Variants in SCUBE1 observed in about 807,000 individuals in gnomAD.
SCUBE1 encodes the protein signal peptide, CUB domain and EGF like domain containing 1.
A neutral mutation model predicts 124.4 loss-of-function variants in SCUBE1; 59 were observed. The observed-to-expected ratio is 0.47, with a 90% CI of 0.38 to 0.59. SCUBE1 has a LOEUF of 0.59. SCUBE1 is among the 20% of genes least tolerant of loss of function. SCUBE1 has a pLI of 0.00. For missense variants in SCUBE1, 1,150 were observed against 1,371.2 expected, an observed-to-expected ratio of 0.84 and a Z score of 2.55; for synonymous variants, 545 against 550.9, an observed-to-expected ratio of 0.99 and a Z score of 0.15.
At chr22:43,229,834 C>A (rs889453742) in intron 8 of SCUBE1, among the ~76,000 whole-genome samples, 1 of 152,032 alleles carries the variant, frequency 6.6e-6, no homozygotes, top group African/African-American at 2.4e-5. Flanking sequence ...AAATGAACCA[C>A]CATGTTGACT....
At chr22:43,257,679 A>C (rs1334158669) in intron 6 of SCUBE1, among the ~76,000 whole-genome samples, 2 of 152,202 alleles carry the variant, frequency 1.3e-5, no homozygotes, top group Non-Finnish European at 2.9e-5. Flanking sequence ...CGCAGGGCCC[A>C]CACTGTCCAT....
In SCUBE1 at chr22:43,255,075, AGTGCTGC is replaced by A. The variant is rs961763005; in HGVS notation, c.727+3137_727+3143del. Among the ~76,000 whole-genome samples, 10 of 152,300 alleles carry A rather than the reference AGTGCTGC, an allele frequency of 6.6e-5. No individual in the cohort carries two copies. Among genetic ancestry groups the A allele is most frequent in the Admixed American group, 1.3e-4 (2 of 15,302 alleles). On this transcript the variant is annotated intron_variant, in intron 6 of 21. Coordinates refer to ENST00000360835, the MANE Select transcript of SCUBE1 (RefSeq NM_173050.5). This position sits in a 1 kb window ranked among gnomAD's most constrained non-coding sequence, Gnocchi z 4.7. ...ATGCCCTCTTTTGTGGCTGAGTCTC[AGTGCTGC>A]TTTGCTGAGCCTGGGAATCCTAACT... is the stretch of plus-strand genomic sequence containing the variant.
At chr22:43,323,092 T>A (rs771349993) in intron 2 of SCUBE1, among the ~76,000 whole-genome samples, 12 of 152,186 alleles carry the variant, frequency 7.9e-5, no homozygotes, top group African/African-American at 1.2e-4. Flanking sequence ...GACATGCCAG[T>A]CATTGACAAA....
chr22:43,249,050 A>G (rs1195411283), intron 6 of SCUBE1, among the ~76,000 whole-genome samples: 2 of 152,112 alleles, frequency 1.3e-5, no homozygotes, highest in African/African-American at 4.8e-5. Flanking sequence ...GTGGTGGGAC[A>G]GGGGAGGAAG....
chr22:43,276,486 C>T (rs758722746), intron 4 of SCUBE1, among the ~76,000 whole-genome samples: 22 of 152,196 alleles, frequency 1.4e-4, no homozygotes, highest in Admixed American at 7.8e-4. Flanking sequence ...GCCAGGCAGA[C>T]GTCCCACCAG....
intron 4 of SCUBE1, among the ~76,000 whole-genome samples, chr22:43,274,295 C>T (rs1449204501): frequency 6.6e-6 from 1 of 152,128 alleles, no homozygotes; most frequent in Non-Finnish European, 1.5e-5. Context: ...ATCAATACTT[C>T]CTGAGTATAA....
At chr22:43,246,081 T>G (rs1037605932) in intron 6 of SCUBE1, among the ~76,000 whole-genome samples, 1 of 152,138 alleles carries the variant, frequency 6.6e-6, no homozygotes, top group African/African-American at 2.4e-5. Flanking sequence ...CAAGCCGACC[T>G]CAGGAGAGGT....
chr22:43,214,320 C>G (rs956795733), intron 15 of SCUBE1, 69 bp from the exon 16 acceptor site: 9 of 1,471,066 alleles, frequency 6.1e-6, no homozygotes, highest in African/African-American at 5.6e-5. Context: ...CCTGTGTGCT[C>G]AAGCCCAGGC....
intron 4 of SCUBE1, among the ~76,000 whole-genome samples, chr22:43,275,762 C>T (rs1185583871): frequency 6.6e-6 from 1 of 152,104 alleles, no homozygotes; most frequent in Non-Finnish European, 1.5e-5. Context: ...GGCACGTGTG[C>T]CGTAACAGGG....
chr22:43,266,538 A>G (rs1279841085), intron 4 of SCUBE1, among the ~76,000 whole-genome samples: 1 of 152,182 alleles, frequency 6.6e-6, no homozygotes, highest in African/African-American at 2.4e-5. Context: ...CCTGCAGCGC[A>G]TCTTGTCTGT....
intron 4 of SCUBE1, among the ~76,000 whole-genome samples, chr22:43,281,530 CCTCCCTCAGTCACCCTCCTGTCA>C (rs1924886993): frequency 2.4e-5 from 2 of 81,808 alleles, no homozygotes; most frequent in African/African-American, 6.7e-5. Context: ...CCTCCTGTCA[CCTCCCTCAGTCACCCTCCTGTCA>C]CCTCCCCCTC....
At chr22:43,299,693 T>C (rs1451790606) in intron 3 of SCUBE1, among the ~76,000 whole-genome samples, 1 of 152,240 alleles carries the variant, frequency 6.6e-6, no homozygotes, top group African/African-American at 2.4e-5. Context: ...TAGTGGTTTT[T>C]AGTATATTCA....
intron 1 of SCUBE1, among the ~76,000 whole-genome samples, chr22:43,342,287 C>T (rs1209382558): frequency 6.6e-6 from 1 of 152,020 alleles, no homozygotes; most frequent in Non-Finnish European, 1.5e-5. Flanking sequence ...GTGAAACCCA[C>T]GGGCCTGGGC....
Position 43,211,097 on chromosome 22 carries a change from C to T in SCUBE1, c.2222-14G>A, listed in dbSNP as rs1386614010. On this transcript the variant is annotated splice_polypyrimidine_tract_variant and intron_variant, in intron 17 of 21. Coordinates refer to ENST00000360835, the MANE Select transcript of SCUBE1 (RefSeq NM_173050.5). This position sits in a 1 kb window ranked among gnomAD's most constrained non-coding sequence, Gnocchi z 4.5. ...GGGAGCAGTGCACTGCCGGGGGACACAAGGCAGTGTGGTGGGTGTGGAGGG... is the reference window on the plus strand; with the variant it reads ...GGGAGCAGTGCACTGCCGGGGGACATAAGGCAGTGTGGTGGGTGTGGAGGG... 1.9e-6 allele frequency: 3 copies of T among 1,601,568 alleles called. No individual in the cohort carries two copies. Among genetic ancestry groups the T allele is most frequent in the Non-Finnish European group, 2.6e-6 (3 of 1,173,792 alleles).
chr22:43,240,076 C>T (rs137995789), intron 6 of SCUBE1, among the ~76,000 whole-genome samples: 2 of 152,140 alleles, frequency 1.3e-5, no homozygotes, highest in South Asian at 4.2e-4. Context: ...TAGGCGTGTG[C>T]AGGGGGAGAG....
chr22:43,309,020 G>A (rs566992380), intron 3 of SCUBE1, among the ~76,000 whole-genome samples: 4 of 152,382 alleles, frequency 2.6e-5, no homozygotes, highest in African/African-American at 7.2e-5. Context: ...GAGAGCATTT[G>A]GCAGGTGGGG....
rs367780724 is a variant in SCUBE1, at chr22:43,227,514, G to A, written c.1085-18C>T. 127 of 1,609,100 alleles carry A rather than the reference G, an allele frequency of 7.9e-5. No homozygotes were observed. The African/African-American group carries it at 1.3e-3, about 16-fold the overall frequency. On this transcript the variant is annotated intron_variant, in intron 9 of 21. Coordinates refer to ENST00000360835, the MANE Select transcript of SCUBE1 (RefSeq NM_173050.5). ...GTCCACATCTGGAAGCACAGCGGGC[G>A]TAAGGGCAGAGGGGAGGCTGGCGGC...
intron 5 of SCUBE1, among the ~76,000 whole-genome samples, chr22:43,261,879 G>A (rs1258861105): frequency 1.3e-5 from 2 of 152,188 alleles, no homozygotes; most frequent in Admixed American, 6.5e-5. Context: ...CATCTCCCAC[G>A]AGGAGAGGCC....
intron 21 of SCUBE1, among the ~76,000 whole-genome samples, chr22:43,204,588 G>A (rs1237449733): frequency 2.0e-5 from 3 of 151,016 alleles, no homozygotes; most frequent in Admixed American, 6.6e-5. Context: ...CGTGAGCCAC[G>A]GCGCCTGGCC....
Sources: gnomAD v4.1 joint callset for allele counts (sites outside exome capture counted in the v4.1 genomes callset) on GRCh38, gnomAD v4.1.1 for gene constraint, Gnocchi (gnomAD v3.1) non-coding constraint, MANE v1.5 for transcripts, NCBI Gene and HGNC (gene_info 2026-07-23, HGNC 2026-07-21) for gene names.